FAM156A: variants seen among roughly 807,000 people sequenced by gnomAD.
FAM156A encodes the protein family with sequence similarity 156 member A, also known as protein FAM156A/FAM156B.
intron 1 of FAM156A, among the ~76,000 whole-genome samples, chrX:52,975,245 CT>C (rs1407831223): frequency 3.6e-5 from 4 of 111,622 alleles, no homozygotes; most frequent in African/African-American, 9.8e-5. Context: ...CACAGCCAGG[CT>C]GAAGAGCTTT....
intron 1 of FAM156A, among the ~76,000 whole-genome samples, chrX:52,986,892 G>A (rs1930333418): frequency 8.9e-6 from 1 of 111,736 alleles, no homozygotes; most frequent in South Asian, 3.7e-4. Flanking sequence ...CTTACAGATT[G>A]GAAAGGAGGG....
At chrX:52,976,116 A>G (rs1929448272) in intron 1 of FAM156A, among the ~76,000 whole-genome samples, 1 of 111,614 alleles carries the variant, frequency 9.0e-6, no homozygotes, top group South Asian at 3.7e-4. Context: ...CTAATCCTCA[A>G]GATACCTAAA....
intron 1 of FAM156A, among the ~76,000 whole-genome samples, chrX:52,983,303 C>T (rs1196691873): frequency 8.9e-6 from 1 of 112,101 alleles, no homozygotes; most frequent in Non-Finnish European, 1.9e-5. Flanking sequence ...AGGGGATGGT[C>T]CCTCTAGCAT....
chrX:52,990,738 C>T (rs958436572), intron 1 of FAM156A, among the ~76,000 whole-genome samples: 2 of 105,919 alleles, frequency 1.9e-5, no homozygotes, highest in African/African-American at 7.0e-5. Context: ...GAGCCGAGAT[C>T]GCTCCACTGC....
chrX:52,983,953 T>C (rs1930086835), intron 1 of FAM156A, among the ~76,000 whole-genome samples: 1 of 112,288 alleles, frequency 8.9e-6, no homozygotes, highest in South Asian at 3.7e-4. Context: ...AACAAGGCTT[T>C]CACCATATTT....
intron 1 of FAM156A, among the ~76,000 whole-genome samples, chrX:52,976,538 A>C (rs1929486130): frequency 8.9e-6 from 1 of 112,273 alleles, no homozygotes; most frequent in African/African-American, 3.2e-5. Flanking sequence ...AAAATGATTG[A>C]GTTTCCCACT....
intron 1 of FAM156A, among the ~76,000 whole-genome samples, chrX:52,975,160 C>T (rs1265322282): frequency 4.5e-5 from 5 of 110,125 alleles, no homozygotes; most frequent in African/African-American, 1.7e-4. Context: ...CATTAGGAGG[C>T]TGAAGGGCAC....
intron 1 of FAM156A, among the ~76,000 whole-genome samples, chrX:52,973,192 C>A (rs1929165738): frequency 1.2e-5 from 1 of 86,874 alleles, no homozygotes. Context: ...GCACATGTAC[C>A]CTAGAACTTA....
chrX:52,993,960 G>C (rs1402914056), intron 1 of FAM156A, among the ~76,000 whole-genome samples: 1 of 110,923 alleles, frequency 9.0e-6, no homozygotes, highest in Non-Finnish European at 1.9e-5. Context: ...CCATTTTACT[G>C]ATTATGATAC....
chrX:52,994,187 C>G (rs1465446421), intron 1 of FAM156A, among the ~76,000 whole-genome samples: 1 of 110,343 alleles, frequency 9.1e-6, no homozygotes, highest in Non-Finnish European at 1.9e-5. Flanking sequence ...AATCTCACAA[C>G]CTGAAACAGA....
At chrX:52,975,051 T>TACACACACACACACAC (rs61081750) in intron 1 of FAM156A, among the ~76,000 whole-genome samples, 2 of 83,671 alleles carry the variant, frequency 2.4e-5, no homozygotes, top group African/African-American at 4.4e-5. Flanking sequence ...GTTAAACACA[T>TACACACACACACACAC]ACACACACAC....
intron 1 of FAM156A, among the ~76,000 whole-genome samples, chrX:52,979,164 C>T (rs903086047): frequency 7.1e-5 from 8 of 111,919 alleles, no homozygotes; most frequent in Non-Finnish European, 1.1e-4. Context: ...TGAGACTCAC[C>T]GTAAGGGTAG....
At chrX:52,983,245 C>T (rs1403106486) in intron 1 of FAM156A, among the ~76,000 whole-genome samples, 1 of 111,799 alleles carries the variant, frequency 8.9e-6, no homozygotes, top group African/African-American at 3.2e-5. Flanking sequence ...AGAGTGAGAC[C>T]GTCTCAAAAT....
At chrX:52,975,679 G>A (rs1556792030) in intron 1 of FAM156A, among the ~76,000 whole-genome samples, 1 of 111,596 alleles carries the variant, frequency 9.0e-6, no homozygotes. Flanking sequence ...GAAACTGTAG[G>A]CTTCCAGATA....
intron 1 of FAM156A, among the ~76,000 whole-genome samples, chrX:52,987,278 C>T (rs183821657): frequency 9.6e-4 from 108 of 112,093 alleles, no homozygotes; most frequent in African/African-American, 3.3e-3. Flanking sequence ...AGATTTCATG[C>T]AATTCCAATG....
intron 1 of FAM156A, among the ~76,000 whole-genome samples, chrX:52,982,435 T>C (rs1929977337): frequency 1.8e-5 from 2 of 112,002 alleles, no homozygotes; most frequent in African/African-American, 6.5e-5. Flanking sequence ...GACTGGGTGA[T>C]AGAGTGAGAC....
intron 1 of FAM156A, among the ~76,000 whole-genome samples, chrX:52,991,332 C>T (rs1556795559): frequency 9.0e-6 from 1 of 110,955 alleles, no homozygotes; most frequent in Non-Finnish European, 1.9e-5. Flanking sequence ...TGTCCAAAGG[C>T]AGGAGAAGAC....
At chrX:52,986,785 C>G (rs782376585) in intron 1 of FAM156A, among the ~76,000 whole-genome samples, 1 of 111,700 alleles carries the variant, frequency 9.0e-6, no homozygotes, top group Admixed American at 9.6e-5. Context: ...TCCATAACAT[C>G]AGGAACCAAA....
At chrX:52,975,899 G>A (rs1929434204) in intron 1 of FAM156A, among the ~76,000 whole-genome samples, 1 of 111,630 alleles carries the variant, frequency 9.0e-6, no homozygotes, top group African/African-American at 3.3e-5. Flanking sequence ...ATGGACATGC[G>A]GGTGTTTTGG....
Sources: gnomAD v4.1 joint callset for allele counts (sites outside exome capture counted in the v4.1 genomes callset) on GRCh38, gnomAD v4.1.1 for gene constraint, MANE v1.5 for transcripts, NCBI Gene and HGNC (gene_info 2026-07-23, HGNC 2026-07-21) for gene names.